Variants in TMC4 observed in about 807,000 individuals in gnomAD.
The protein encoded by TMC4 is transmembrane channel like 4, also known as voltage-gated chloride channel TMC4.
A neutral mutation model predicts 82.0 loss-of-function variants in TMC4; 70 were observed. The ratio of observed to expected loss-of-function variants is 0.85; its 90% CI spans 0.70 to 1.04. The LOEUF is 1.04. Ranked by LOEUF, TMC4 falls within the 50% of genes least tolerant of loss-of-function variation. TMC4 has a pLI of 0.00. For missense variants in TMC4, 879 were observed against 899.0 expected (o/e 0.98, Z 0.28); for synonymous variants, 446 against 406.0 (o/e 1.10, Z -1.18).
chr19:54,167,419 C>T (rs1233943256), intron 5 of TMC4, among the ~76,000 whole-genome samples: 2 of 151,480 alleles, frequency 1.3e-5, no homozygotes, highest in Non-Finnish European at 2.9e-5. Flanking sequence ...ATTAGCTGGG[C>T]GTGGTGGCCG....
At chr19:54,171,058 TACAC>T (rs1047362182) in intron 2 of TMC4, among the ~76,000 whole-genome samples, 2 of 94,672 alleles carry the variant, frequency 2.1e-5, no homozygotes, top group African/African-American at 7.4e-5. Context: ...TCCATATATA[TACAC>T]ATATATATAC....
Position 54,168,524 on chromosome 19 carries a change from G to A in TMC4, c.599C>T (p.Pro200Leu), listed in dbSNP as rs1372305391. 1 of 1,551,748 alleles carries A rather than the reference G, an allele frequency of 6.4e-7. No individual in the cohort carries two copies. Among genetic ancestry groups the A allele is most frequent in the Non-Finnish European group, 8.7e-7 (1 of 1,148,306 alleles). ...GGAGTGGGGGTTATAGGAGCCGCAG[G>A]GCGAGGAGATGTCGGGGCCGGGAGG... ...PGPPGPDISS[P>L]CGSYNPHSQG... Residue 200 changes from proline to leucine, a missense_variant, in exon 4 of 15, where the codon CCC becomes CTC. By Grantham distance (98) the Pro-to-Leu change is moderately conservative. Coordinates refer to ENST00000619895, the MANE Select transcript of TMC4 (RefSeq NM_144686.4).
At chr19:54,172,302 T>A (rs7245676) in intron 1 of TMC4, among the ~76,000 whole-genome samples, 2 of 980 alleles carry the variant, frequency 2.0e-3, no homozygotes, top group African/African-American at 9.6e-3. Context: ...GACCCAGGAG[T>A]CCAGGCCCCC....
At position 54,168,245 on chromosome 19, in the gene TMC4, G is replaced by A. The variant is rs931721366; in HGVS notation, c.723C>T (p.Arg241=). The change falls in exon 5 of 15, where the codon CGC becomes CGT. Residue 241 remains arginine (R), a synonymous_variant. Transcript: ENST00000619895. Reference sequence around the variant, plus strand: ...ACAGGTAGGTGACCGCCAGGCGTGGGCGGGGCGGGTAGAAGCCATAGAAGA... The same window carrying A: ...ACAGGTAGGTGACCGCCAGGCGTGGACGGGGCGGGTAGAAGCCATAGAAGA... ...SPLFYGFYPP[R]PRLAVTYLCW... is the part of the protein sequence containing the mutation. 6 of 1,569,842 alleles carry A rather than the reference G, an allele frequency of 3.8e-6. No homozygotes were observed. Among genetic ancestry groups the A allele is most frequent in the Middle Eastern group, 1.7e-4 (1 of 5,982 alleles).
chr19:54,167,814 G>A (rs1040092686), intron 5 of TMC4, among the ~76,000 whole-genome samples: 2 of 151,822 alleles, frequency 1.3e-5, no homozygotes, highest in African/African-American at 4.8e-5. Flanking sequence ...TGTAATCCCA[G>A]CACTGTGGGA....
intron 5 of TMC4, among the ~76,000 whole-genome samples, chr19:54,167,189 G>A (rs927014490): frequency 2.0e-5 from 3 of 152,098 alleles, no homozygotes; most frequent in South Asian, 4.2e-4. Flanking sequence ...GTTGAGTTCC[G>A]GAGGCCCAGG....
intron 2 of TMC4, 142 bp from the exon 3 acceptor site, chr19:54,169,802 G>C: frequency 8.0e-7 from 1 of 1,251,212 alleles, no homozygotes; most frequent in Non-Finnish European, 1.1e-6. Flanking sequence ...CAATAAAAAA[G>C]AAACCAGCTG....
rs2075543609 is a variant in TMC4, at chr19:54,161,244, G to A, written c.1703C>T (p.Thr568Ile). 1.3e-6 allele frequency: 2 copies of A among 1,554,224 alleles called. No individual in the cohort carries two copies. Among genetic ancestry groups the A allele is most frequent in the African/African-American group, 2.8e-5 (2 of 72,386 alleles). ...FYLKKLTLFS[T>I]CSPAARTFRA... is the part of the protein sequence containing the mutation. ...GAAGGTGCGGGCAGCCGGGGAGCAG[G>A]TGGAGAAGAGGGTAAGCTGGTGGGG... Residue 568 changes from threonine to isoleucine, a missense_variant, in exon 12 of 15, where the codon ACC becomes ATC. Coordinates refer to ENST00000619895, the MANE Select transcript of TMC4 (RefSeq NM_144686.4).
At chr19:54,168,348 C>A in intron 4 of TMC4, 56 bp from the exon 5 acceptor site, 2 of 1,537,022 alleles carry the variant, frequency 1.3e-6, no homozygotes, top group Non-Finnish European at 8.8e-7. Context: ...GCTCCTGGAG[C>A]TGCACAGTCA....
chr19:54,162,003 C>T (rs2075566601), intron 11 of TMC4, 99 bp downstream of exon 11: 1 of 1,085,884 alleles, frequency 9.2e-7, no homozygotes, highest in Admixed American at 2.8e-5. Flanking sequence ...CTCTCAGGAC[C>T]GAGTAATCCA....
chr19:54,160,766 G>T, intron 13 of TMC4, 112 bp downstream of exon 13: 1 of 1,453,050 alleles, frequency 6.9e-7, no homozygotes, highest in South Asian at 1.3e-5. Flanking sequence ...TCCTCCCTCA[G>T]ACTCAGTACG....
In TMC4 at chr19:54,162,192, C is replaced by A; in HGVS notation, c.1596G>T (p.Ala532=). Residue 532 remains alanine, a synonymous_variant, in exon 11 of 15, where the codon GCG becomes GCT. Transcript: ENST00000619895. ...VPDEVLGLIY[A]QTVVWVGSFF... The stretch of plus-strand genomic sequence containing the variant: ...AACTCCCCACCCAGACCACCGTCTG[C>A]GCGTAGATGAGCCCCAGCACCTCGT... 1.2e-6 allele frequency: 2 copies of A among 1,613,554 alleles called. No individual in the cohort carries two copies. Among genetic ancestry groups the A allele is most frequent in the South Asian group, 1.1e-5 (1 of 90,986 alleles).
chr19:54,166,673 G>C (rs2075712717), intron 5 of TMC4, among the ~76,000 whole-genome samples: 1 of 152,122 alleles, frequency 6.6e-6, no homozygotes, highest in South Asian at 2.1e-4. Context: ...GAGGCTCTTT[G>C]CCGGGCGTGG....
intron 11 of TMC4, 38 bp downstream of exon 11, chr19:54,162,064 C>A: frequency 6.4e-7 from 1 of 1,561,272 alleles, no homozygotes; most frequent in South Asian, 1.2e-5. Flanking sequence ...GCCCCAATAC[C>A]TCCTGCCTCA....
At position 54,160,561 on chromosome 19, in the gene TMC4, A is replaced by G. The variant is rs765810342; in HGVS notation, c.1974-16T>C. 11 of 1,613,568 alleles carry G rather than the reference A, an allele frequency of 6.8e-6. No homozygotes were observed. Among genetic ancestry groups the G allele is most frequent in the Non-Finnish European group, 8.5e-6 (10 of 1,179,978 alleles). On this transcript the variant is annotated splice_polypyrimidine_tract_variant and intron_variant, in intron 13 of 14. Coordinates refer to ENST00000619895, the MANE Select transcript of TMC4 (RefSeq NM_144686.4). ...CATCAGGATGCTGAAGGAGACAGGA[A>G]CGGAAGCCACTCCTGACACGCTCTT...
chr19:54,171,116 C>CATATATACGCGTAT (rs1555826985), intron 2 of TMC4, among the ~76,000 whole-genome samples: 20 of 147,450 alleles, frequency 1.4e-4, no homozygotes, highest in African/African-American at 4.8e-4. Flanking sequence ...TATATATACG[C>CATATATACGCGTAT]ATATATATTT....
intron 11 of TMC4, among the ~76,000 whole-genome samples, 157 bp downstream of exon 11, chr19:54,161,945 C>T (rs538104744): frequency 3.3e-5 from 5 of 152,186 alleles, no homozygotes; most frequent in South Asian, 4.1e-4. Flanking sequence ...TCAGAATGCC[C>T]TAGACCCCTC....
At chr19:54,160,429 G>C in intron 14 of TMC4, 38 bp downstream of exon 14, 1 of 1,603,406 alleles carries the variant, frequency 6.2e-7, no homozygotes, top group Non-Finnish European at 8.5e-7. Context: ...CCCTTTCCAT[G>C]TTCCCCAGGG....
In TMC4 at chr19:54,162,678, A is replaced by T; in HGVS notation, c.1497T>A (p.Pro499=). Residue 499 remains proline, a synonymous_variant, in exon 10 of 15, where the codon CCT becomes CCA. Transcript: ENST00000619895. ...GCAAGGGGCGGGGCTCTCACTTTCT[A>T]GGAAACTGGATGAGCAGCGCGACTG... ...VLAVALLIQF[P]RKLLCGLCPG... is the part of the protein sequence containing the mutation. 1 of 1,613,470 alleles carries T rather than the reference A, an allele frequency of 6.2e-7. No homozygotes were observed. Among genetic ancestry groups the T allele is most frequent in the Admixed American group, 1.7e-5 (1 of 59,996 alleles).
Sources: allele counts gnomAD v4.1 joint callset (sites outside exome capture counted in the v4.1 genomes callset), GRCh38; gene constraint gnomAD v4.1.1; transcripts MANE v1.5; gene names NCBI Gene and HGNC (gene_info 2026-07-23, HGNC 2026-07-21).